The following RBFOX1 variants were observed in gnomAD, a reference collection of about 807,000 sequenced individuals.
RBFOX1 encodes the protein RNA binding protein fox-1 homolog 1.
A neutral mutation model predicts 57.7 loss-of-function variants in RBFOX1; 8 were observed. The ratio of observed to expected loss-of-function variants is 0.14; its 90% CI spans 0.08 to 0.25. The LOEUF is 0.25. RBFOX1 is among the 10% of genes least tolerant of loss of function. The pLI is 1.00. For missense variants in RBFOX1, 611 were observed against 548.5 expected, an observed-to-expected ratio of 1.11 and a Z score of -1.14; for synonymous variants, 326 against 222.4, an observed-to-expected ratio of 1.47 and a Z score of -4.15.
intron 1 of RBFOX1, among the ~76,000 whole-genome samples, chr16:5,284,295 C>T (rs1052576942): frequency 1.3e-5 from 2 of 152,110 alleles, no homozygotes; most frequent in African/African-American, 4.8e-5. Context: ...CTAATACACC[C>T]GTGTTCCTTT....
intron 4 of RBFOX1, among the ~76,000 whole-genome samples, chr16:7,295,016 A>T (rs1220818032): frequency 6.6e-6 from 1 of 152,314 alleles, no homozygotes; most frequent in Middle Eastern, 3.4e-3. Context: ...GATCAGAAAA[A>T]AATTAATTAC....
At chr16:5,395,776 G>C (rs1315327251) in intron 1 of RBFOX1, among the ~76,000 whole-genome samples, 1 of 152,226 alleles carries the variant, frequency 6.6e-6, no homozygotes, top group Non-Finnish European at 1.5e-5. Flanking sequence ...TTCCACTGCT[G>C]ACAGTGAAGA....
At chr16:7,360,202 A>C (rs1315205983) in intron 4 of RBFOX1, among the ~76,000 whole-genome samples, 1 of 152,210 alleles carries the variant, frequency 6.6e-6, no homozygotes, top group Non-Finnish European at 1.5e-5. Flanking sequence ...TATATATAGC[A>C]TGGTATTATG....
chr16:5,553,050 C>T (rs986579502), intron 2 of RBFOX1, among the ~76,000 whole-genome samples: 4 of 152,122 alleles, frequency 2.6e-5, no homozygotes, highest in Non-Finnish European at 4.4e-5. Flanking sequence ...CAAAACACCG[C>T]ATGTTCTCAT....
intron 2 of RBFOX1, among the ~76,000 whole-genome samples, chr16:6,559,308 C>G (rs1452934150): frequency 6.6e-6 from 1 of 152,042 alleles, no homozygotes; most frequent in African/African-American, 2.4e-5. Context: ...CAGTCTATTT[C>G]TCTCACATAT....
chr16:6,976,172 T>G (rs1443295269), intron 3 of RBFOX1, among the ~76,000 whole-genome samples: 3 of 152,082 alleles, frequency 2.0e-5, no homozygotes, highest in African/African-American at 7.2e-5. Context: ...TAACTGGTGC[T>G]TTGCTATGAT....
intron 4 of RBFOX1, among the ~76,000 whole-genome samples, chr16:7,458,424 G>C (rs2058947138): frequency 6.6e-6 from 1 of 152,160 alleles, no homozygotes; most frequent in Admixed American, 6.5e-5. Context: ...TTCTGAGAAA[G>C]AAAATAGCTC....
Position 7,542,239 on chromosome 16 carries a change from A to C in RBFOX1, c.270+23850A>C, listed in dbSNP as rs376484498. 9.3e-4 allele frequency among the ~76,000 whole-genome samples: 142 copies of C among 152,298 alleles called. 1 individual carries two copies. Among genetic ancestry groups the C allele is most frequent in the African/African-American group, 3.2e-3 (132 of 41,568 alleles). On this transcript the variant is annotated intron_variant, in intron 5 of 15. Transcript: ENST00000550418. The stretch of plus-strand genomic sequence containing the variant: ...GAAGACTGGTCAAAGGGGAAAGAAA[A>C]TAATTCCTTTTAAATATCTAGGCAA...
intron 1 of RBFOX1, among the ~76,000 whole-genome samples, chr16:6,312,102 C>T (rs915608805): frequency 1.3e-5 from 2 of 152,190 alleles, no homozygotes; most frequent in African/African-American, 2.4e-5. Context: ...TTAGGTGAGG[C>T]ACCACCCTCT....
intron 1 of RBFOX1, chr16:5,467,094 T>A: frequency 8.6e-7 from 1 of 1,168,760 alleles, no homozygotes; most frequent in Admixed American, 2.8e-5. Context: ...GTTTTGAGAA[T>A]GAATGAATAA....
intron 1 of RBFOX1, among the ~76,000 whole-genome samples, chr16:5,454,819 C>A (rs1417104562): frequency 1.7e-5 from 2 of 116,930 alleles, no homozygotes; most frequent in Non-Finnish European, 3.5e-5. Flanking sequence ...CTTTCCTTTC[C>A]TTTCTTTCCT....
chr16:6,234,799 C>A (rs145448372), intron 1 of RBFOX1, among the ~76,000 whole-genome samples: 3 of 150,430 alleles, frequency 2.0e-5, no homozygotes, highest in African/African-American at 7.3e-5. Context: ...ACCACACATA[C>A]GCATGAACTA....
intron 1 of RBFOX1, among the ~76,000 whole-genome samples, chr16:5,327,850 T>C (rs2151266718): frequency 6.6e-6 from 1 of 152,312 alleles, no homozygotes; most frequent in South Asian, 2.1e-4. Flanking sequence ...TTAAAACATC[T>C]CTTTGTAAGC....
At chr16:7,021,873 CTTT>C (rs1825661356) in intron 3 of RBFOX1, among the ~76,000 whole-genome samples, 1 of 150,782 alleles carries the variant, frequency 6.6e-6, no homozygotes, top group African/African-American at 2.4e-5. Context: ...CCAGAACCTT[CTTT>C]CTCTCTCTTT....
At chr16:5,646,054 G>C (rs1210291065) in intron 3 of RBFOX1, among the ~76,000 whole-genome samples, 1 of 151,832 alleles carries the variant, frequency 6.6e-6, no homozygotes, top group African/African-American at 2.4e-5. Flanking sequence ...TTTTGAGACG[G>C]AGTCTCGCTG....
chr16:6,943,162 T>A (rs559554540), intron 3 of RBFOX1, among the ~76,000 whole-genome samples: 9 of 152,234 alleles, frequency 5.9e-5, no homozygotes, highest in African/African-American at 2.2e-4. Flanking sequence ...GGCTACCAGC[T>A]CTCCACTCTC....
chr16:5,806,094 G>A (rs961508465), intron 3 of RBFOX1, among the ~76,000 whole-genome samples: 12 of 152,104 alleles, frequency 7.9e-5, no homozygotes, highest in African/African-American at 2.7e-4. Flanking sequence ...TAAAAAAATG[G>A]GAGGGCCTCT....
At chr16:6,988,683 G>A (rs2090821470) in intron 3 of RBFOX1, among the ~76,000 whole-genome samples, 1 of 150,606 alleles carries the variant, frequency 6.6e-6, no homozygotes, top group Non-Finnish European at 1.5e-5. Context: ...CTCAGCCTTA[G>A]CCTCCTGAGC....
chr16:5,545,161 A>G (rs547034249), intron 2 of RBFOX1, among the ~76,000 whole-genome samples: 11 of 151,946 alleles, frequency 7.2e-5, no homozygotes, highest in Admixed American at 3.3e-4. Flanking sequence ...ATTTTTTAGT[A>G]GAGACAGGGT....
Sources: gnomAD v4.1 joint callset for allele counts (sites outside exome capture counted in the v4.1 genomes callset) on GRCh38, gnomAD v4.1.1 for gene constraint, MANE v1.5 for transcripts, NCBI Gene and HGNC (gene_info 2026-07-23, HGNC 2026-07-21) for gene names.